The following PCDHGA10 variants were observed in gnomAD, a reference collection of about 807,000 sequenced individuals.
The protein encoded by PCDHGA10 is protocadherin gamma subfamily A, 10, also known as protocadherin gamma-A10.
PCDHGA10 carries 42 observed loss-of-function variants against 59.5 expected under a neutral mutation model. The observed-to-expected ratio is 0.71, with a 90% CI of 0.55 to 0.91. The LOEUF is 0.91. Ranked by LOEUF, PCDHGA10 falls within the 40% of genes least tolerant of loss-of-function variation. The pLI is 0.00. For synonymous variants in PCDHGA10, 511 were observed against 517.2 expected, an observed-to-expected ratio of 0.99 and a Z score of 0.16; for missense variants, 1,111 against 1,198.2, an observed-to-expected ratio of 0.93 and a Z score of 1.07.
rs138070043 is a variant in PCDHGA10, at chr5:141,512,950, AAAT to A, written c.*1783_*1785del. 5,271 of 152,332 alleles carry A rather than the reference AAAT, an allele frequency of 0.035. 119 individuals carry two copies. The highest frequency in any genetic ancestry group is 0.075 in the South Asian group (360 of 4,826). The allele number at this position is 152,332 out of a possible 1,614,324, so 9.4% of individuals were successfully genotyped here. On this transcript the variant is annotated 3_prime_UTR_variant, in exon 4 of 4. Coordinates refer to ENST00000398610, the MANE Select transcript of PCDHGA10 (RefSeq NM_018913.3). ...ATATGGCTTTTTTTCTTCGACAAAA[AAAT>A]AATAAAACGTTTCTTCTGAAAAGCT...
In PCDHGA10 at chr5:141,432,927, G is replaced by T. The variant is rs774982939; in HGVS notation, c.2436+17316G>T. ...AGGCTGCGGCGCTGGCACAAGTCAC[G>T]CCTGCTGCAGGCTTCAGGAGGCGGC... is the stretch of plus-strand genomic sequence containing the variant. On this transcript the variant is annotated intron_variant, in intron 1 of 3. Coordinates refer to ENST00000398610, the MANE Select transcript of PCDHGA10 (RefSeq NM_018913.3). This position sits in a 1 kb window ranked among gnomAD's most constrained non-coding sequence, Gnocchi z 6.0. 1.9e-6 allele frequency: 3 copies of T among 1,614,162 alleles called. No homozygotes were observed. In the Admixed American group the frequency reaches 5.0e-5, roughly 27 times the overall value.
chr5:141,432,745 G>A lies in PCDHGA10; in HGVS notation c.2436+17134G>A, dbSNP rs138883931. ...TCTCCGCCACTGTCACGCTCACCGT[G>A]GCCGTGGCCGACAGCATCCCCCAAG... On this transcript the variant is annotated intron_variant, in intron 1 of 3. Coordinates refer to ENST00000398610, the MANE Select transcript of PCDHGA10 (RefSeq NM_018913.3). This position sits in a 1 kb window ranked among gnomAD's most constrained non-coding sequence, Gnocchi z 6.0. 311 of 1,614,110 alleles carry A rather than the reference G, an allele frequency of 1.9e-4. No individual in the cohort carries two copies. The African/African-American group carries it at 3.5e-3, about 18-fold the overall frequency.
Position 141,487,418 on chromosome 5 carries a change from A to T in PCDHGA10, c.2437-7389A>T. ...GGAGGGGCTTCCCCCTTCCAATGGG[A>T]TCCTCCGAATCCAGCTAGGGTCAGA... On this transcript the variant is annotated intron_variant, in intron 1 of 3. Transcript: ENST00000398610. The surrounding 1 kb of genome is among the most constrained non-coding windows in gnomAD (Gnocchi z 5.0). The T allele has an allele frequency of 6.2e-7, 1 of 1,614,060 alleles. No homozygotes were observed. The highest frequency in any genetic ancestry group is 8.5e-7 in the Non-Finnish European group (1 of 1,179,998).
At chr5:141,426,788 T>C (rs2096960035) in intron 1 of PCDHGA10, 1 of 456,568 alleles carries the variant, frequency 2.2e-6, no homozygotes, top group African/African-American at 2.0e-5. Context: ...CTCTCCAGAG[T>C]TACCAGCTCA....
intron 2 of PCDHGA10, among the ~76,000 whole-genome samples, chr5:141,503,570 G>T (rs996006002): frequency 3.4e-4 from 50 of 147,216 alleles, no homozygotes; most frequent in African/African-American, 1.2e-3. Context: ...CTGTACTCCA[G>T]CCTGGGTGAC....
At chr5:141,427,818 G>A (rs1356936077) in intron 1 of PCDHGA10, 3 of 1,530,644 alleles carry the variant, frequency 2.0e-6, no homozygotes, top group Non-Finnish European at 2.7e-6. Context: ...GAGCGGGGTG[G>A]TGGTCGCGCA....
At position 141,477,493 on chromosome 5, in the gene PCDHGA10, A is replaced by G. The variant is rs2154575835; in HGVS notation, c.2437-17314A>G. ...ATGACAACCCTCCACAATCTTCTCA[A>G]TCTTCCTACGACGTTTACATTGAAG... On this transcript the variant is annotated intron_variant, in intron 1 of 3. Transcript: ENST00000398610. This position sits in a 1 kb window ranked among gnomAD's most constrained non-coding sequence, Gnocchi z 4.9. 6.2e-7 allele frequency: 1 copy of G among 1,613,976 alleles called. No individual in the cohort carries two copies. The highest frequency in any genetic ancestry group is 1.6e-4 in the Middle Eastern group (1 of 6,062).
intron 3 of PCDHGA10, 85 bp from the exon 4 acceptor site, chr5:141,510,862 C>A: frequency 6.2e-7 from 1 of 1,606,772 alleles, no homozygotes. Context: ...GCTGTATAGG[C>A]ATTCATTAAC....
rs746838072 is a variant in PCDHGA10 at position 141,486,116 on chromosome 5, T to A, written c.2437-8691T>A. ...GCCCCTAGACTTTGAGAGTGAGAATTACTATGAATTTGATGTGCGGGCTCG... is the reference window on the plus strand; with the variant it reads ...GCCCCTAGACTTTGAGAGTGAGAATAACTATGAATTTGATGTGCGGGCTCG... On this transcript the variant is annotated intron_variant, in intron 1 of 3. Coordinates refer to ENST00000398610, the MANE Select transcript of PCDHGA10 (RefSeq NM_018913.3). This position sits in a 1 kb window ranked among gnomAD's most constrained non-coding sequence, Gnocchi z 5.0. 1.1e-5 allele frequency: 17 copies of A among 1,613,638 alleles called. No homozygotes were observed. Among genetic ancestry groups the A allele is most frequent in the Non-Finnish European group, 1.4e-5 (17 of 1,179,610 alleles).
Position 141,414,767 on chromosome 5 carries a change from AGCTACAGAT to A in PCDHGA10, c.1595_1603del (p.Leu532_Met534del). 1.2e-6 allele frequency: 2 copies of A among 1,614,190 alleles called. No homozygotes were observed. The highest frequency in any genetic ancestry group is 1.6e-4 in the Middle Eastern group (1 of 6,062). On this transcript the variant is annotated inframe_deletion, in exon 1 of 4. Coordinates refer to ENST00000398610, the MANE Select transcript of PCDHGA10 (RefSeq NM_018913.3). ...TCCTTCGACTATGAGCAGTTTCATG[AGCTACAGAT>A]GCAGGTGACAGCCAGCGACAGCGGG...
In PCDHGA10 at chr5:141,413,287, T is replaced by C. The variant is rs937508313; in HGVS notation, c.112T>C (p.Ser38Pro). The change falls in exon 1 of 4, where the codon TCA (serine) becomes CCA (proline). Residue 38 changes from serine to proline, a missense_variant. Ser to Pro is a moderately conservative substitution (Grantham distance 74, BLOSUM62 -1). Transcript: ENST00000398610. ...GGCTGGAGCCCGGCAGATCTCCTAC[T>C]CAATTCCTGAGGAATTAGAGAAAGG... is the stretch of plus-strand genomic sequence containing the variant. ...WEAGARQISY[S>P]IPEELEKGSF... 1 of 1,613,950 alleles carries C rather than the reference T, an allele frequency of 6.2e-7. No homozygotes were observed.
intron 2 of PCDHGA10, among the ~76,000 whole-genome samples, chr5:141,503,222 G>A (rs540244346): frequency 2.2e-4 from 34 of 152,120 alleles, no homozygotes; most frequent in African/African-American, 7.7e-4. Context: ...CATGAGCACC[G>A]TAAAGATGGA....
intron 1 of PCDHGA10, among the ~76,000 whole-genome samples, chr5:141,464,983 C>G (rs1294132264): frequency 6.6e-6 from 1 of 152,050 alleles, no homozygotes; most frequent in African/African-American, 2.4e-5. Flanking sequence ...TTCAAGTGAT[C>G]CTCCCACCTC....
intron 1 of PCDHGA10, chr5:141,478,354 C>T (rs141625672): frequency 1.2e-6 from 2 of 1,613,778 alleles, no homozygotes; most frequent in Non-Finnish European, 8.5e-7. Context: ...ACGCGGACGC[C>T]GTGCGGGGAG....
chr5:141,414,187 T>A lies in PCDHGA10; in HGVS notation c.1012T>A (p.Leu338Met). 6.2e-7 allele frequency: 1 copy of A among 1,609,834 alleles called. No homozygotes were observed. Among genetic ancestry groups the A allele is most frequent in the South Asian group, 1.1e-5 (1 of 90,516 alleles). The part of the protein sequence containing the change: ...GGAYLATAKV[L>M]ITVEDVNDNS... ...AGCATATCTTGCAACTGCAAAAGTG[T>A]TGATTACAGTAGAAGATGTAAATGA... The change falls in exon 1 of 4, where the codon TTG becomes ATG. Residue 338 changes from leucine to methionine, a missense_variant. Transcript: ENST00000398610.
At chr5:141,429,523 A>G (rs1009016050) in intron 1 of PCDHGA10, among the ~76,000 whole-genome samples, 1 of 152,174 alleles carries the variant, frequency 6.6e-6, no homozygotes, top group Non-Finnish European at 1.5e-5. Context: ...CAGAGAAAAA[A>G]GCTTAAAAAA....
Position 141,490,254 on chromosome 5 carries a change from G to A in PCDHGA10, c.2437-4553G>A. The A allele has an allele frequency of 6.2e-7, 1 of 1,614,236 alleles. No homozygotes were observed. Among genetic ancestry groups the A allele is most frequent in the Non-Finnish European group, 8.5e-7 (1 of 1,180,038 alleles). ...TGGAGGGCCACTGTGTGATTCAAGT[G>A]GATGTGGGGGATGTCAATGACAATG... On this transcript the variant is annotated intron_variant, in intron 1 of 3. Coordinates refer to ENST00000398610, the MANE Select transcript of PCDHGA10 (RefSeq NM_018913.3). The surrounding 1 kb of genome is among the most constrained non-coding windows in gnomAD (Gnocchi z 5.4).
At position 141,476,359 on chromosome 5, in the gene PCDHGA10, G is replaced by A; in HGVS notation, c.2437-18448G>A. On this transcript the variant is annotated intron_variant, in intron 1 of 3. Coordinates refer to ENST00000398610, the MANE Select transcript of PCDHGA10 (RefSeq NM_018913.3). This position sits in a 1 kb window ranked among gnomAD's most constrained non-coding sequence, Gnocchi z 7.6. ...GCCGAAGATTCTTTGAGGTGAACCG[G>A]GAGACCGGAGAGATGTTTGTGAACG... The A allele has an allele frequency of 6.2e-7, 1 of 1,614,170 alleles. No individual in the cohort carries two copies. The highest frequency in any genetic ancestry group is 8.5e-7 in the Non-Finnish European group (1 of 1,180,020).
intron 1 of PCDHGA10, chr5:141,423,661 G>A: frequency 1.3e-6 from 2 of 1,555,760 alleles, no homozygotes; most frequent in Non-Finnish European, 1.7e-6. Flanking sequence ...AAGTAATCAG[G>A]TGAGATTTAT....
Sources: allele counts gnomAD v4.1 joint callset (sites outside exome capture counted in the v4.1 genomes callset), GRCh38; gene constraint gnomAD v4.1.1; non-coding constraint Gnocchi (gnomAD v3.1); transcripts MANE v1.5; gene names NCBI Gene and HGNC (gene_info 2026-07-23, HGNC 2026-07-21).